The following TMEM184A variants were observed in gnomAD, a reference collection of about 807,000 sequenced individuals.
The protein encoded by TMEM184A is transmembrane protein 184A, also known as sexually dimorphic, expressed in male gonads 1.
In TMEM184A, 40 loss-of-function variants were observed where a neutral mutation model predicts 39.5. The observed-to-expected ratio is 1.01, with a 90% CI of 0.79 to 1.32. The LOEUF (loss-of-function observed/expected upper bound fraction) is 1.32, where lower values mean the gene tolerates loss of function less well. TMEM184A is among the 40% of genes most tolerant of loss of function. TMEM184A has a pLI of 0.00. For synonymous variants in TMEM184A, 280 were observed against 252.3 expected, an observed-to-expected ratio of 1.11 and a Z score of -1.04; for missense variants, 603 against 568.8, an observed-to-expected ratio of 1.06 and a Z score of -0.61.
chr7:1,546,957 G>A lies in TMEM184A; in HGVS notation c.1237C>T (p.Leu413=), dbSNP rs914069077. 6.4e-7 allele frequency: 1 copy of A among 1,569,956 alleles called. No homozygotes were observed. The highest frequency in any genetic ancestry group is 1.4e-5 in the African/African-American group (1 of 73,974). ...EKRMLIPSED[L] is the part of the protein sequence containing the mutation. ...CACTGGCAGCCCAGGCCCCCCTACA[G>A]GTCCTCCGAGGGGATCAGCATCCGC... Residue 413 remains leucine, a synonymous_variant, in exon 9 of 9, where the codon CTG becomes TTG. Transcript: ENST00000297477.
rs761925054 is a variant in TMEM184A at position 1,550,373 on chromosome 7, C to A, written c.408G>T (p.Leu136=). The part of the protein sequence containing the change: ...CYEAFVIYSF[L]SLCFQYLGGE... ...CTCCCAGGTACTGGAAACACAGGCTCAGGAAGCTGTAAATGACAAAGGCTG... is the reference window on the plus strand; with the variant it reads ...CTCCCAGGTACTGGAAACACAGGCTAAGGAAGCTGTAAATGACAAAGGCTG... Residue 136 remains leucine, a synonymous_variant, in exon 4 of 9, where the codon CTG becomes CTT. Coordinates refer to ENST00000297477, the MANE Select transcript of TMEM184A (RefSeq NM_001097620.2). 2.2e-5 allele frequency: 35 copies of A among 1,612,530 alleles called. No individual in the cohort carries two copies. Among genetic ancestry groups the A allele is most frequent in the Non-Finnish European group, 2.7e-5 (32 of 1,179,694 alleles).
Position 1,548,514 on chromosome 7 carries a change from C to T in TMEM184A, c.814+5G>A, listed in dbSNP as rs1784438227. Reference sequence around the variant, plus strand: ...TAGCACCCCTGCCCCACCTGCCCCACACACCTTGCCAGAACGACAGGAAGA... The same window carrying T: ...TAGCACCCCTGCCCCACCTGCCCCATACACCTTGCCAGAACGACAGGAAGA... On this transcript the variant is annotated splice_donor_5th_base_variant and intron_variant, in intron 7 of 8. Transcript: ENST00000297477. 1 of 1,610,290 alleles carries T rather than the reference C, an allele frequency of 6.2e-7. No homozygotes were observed. The highest frequency in any genetic ancestry group is 1.3e-5 in the African/African-American group (1 of 75,004).
At chr7:1,548,737 T>C in intron 6 of TMEM184A, 49 bp from the exon 7 acceptor site, 1 of 1,596,988 alleles carries the variant, frequency 6.3e-7, no homozygotes, top group Non-Finnish European at 8.5e-7. Context: ...ACCCCGCCAC[T>C]GTCCCCACCC....
chr7:1,548,609 A>G lies in TMEM184A; in HGVS notation c.724T>C (p.Tyr242His). 1.2e-6 allele frequency: 2 copies of G among 1,613,936 alleles called. No homozygotes were observed. Among genetic ancestry groups the G allele is most frequent in the Non-Finnish European group, 1.7e-6 (2 of 1,179,982 alleles). The stretch of plus-strand genomic sequence containing the variant: ...CGCAGGAGCTCCCTGGTGGTGAAGT[A>G]GAAGAGGAACAGGGCGTAGAGGGCG... Reference protein sequence around the residue: ...SLALYALFLFYFTTRELLRPF... With the variant: ...SLALYALFLFHFTTRELLRPF... Residue 242 changes from tyrosine to histidine, a missense_variant, in exon 7 of 9, where the codon TAC becomes CAC. Physicochemically the swap from Tyr to His is moderately conservative, Grantham distance 83. Transcript: ENST00000297477.
In TMEM184A at chr7:1,543,108, C is replaced by G. The variant is rs771105060; in HGVS notation, c.*3844G>C. The G allele has an allele frequency of 1.3e-5, 2 of 152,306 alleles. No individual in the cohort carries two copies. The highest frequency in any genetic ancestry group is 2.4e-5 in the African/African-American group (1 of 41,398). The allele number at this position is 152,306 out of a possible 1,614,324, so 9.4% of individuals were successfully genotyped here. ...CTTGGGCCAAGAACCACACCCCCCC[C>G]CCAATCCCAGGGGACCCTGCCTGTC... On this transcript the variant is annotated 3_prime_UTR_variant, in exon 9 of 9. Transcript: ENST00000297477.
rs533728450 is a variant in TMEM184A at position 1,555,413 on chromosome 7, G to T, written c.72C>A (p.Ser24Arg). The change falls in exon 2 of 9, where the codon AGC becomes AGA. Residue 24 changes from serine (S) to arginine (R), a missense_variant. Physicochemically the swap from Ser to Arg is moderately radical, Grantham distance 110. Coordinates refer to ENST00000297477, the MANE Select transcript of TMEM184A (RefSeq NM_001097620.2). This position sits in a 1 kb window ranked among gnomAD's most constrained non-coding sequence, Gnocchi z 5.2. Reference protein sequence around the residue: ...PLVSANWPQPSPPPAVPAGPQ... With the variant: ...PLVSANWPQPRPPPAVPAGPQ... The stretch of plus-strand genomic sequence containing the variant: ...GCCCAGCTGGCACAGCCGGTGGGGG[G>T]CTGGGCTGCGGCCAGTTCGCTGACA... The T allele has an allele frequency of 1.9e-6, 3 of 1,611,708 alleles. No homozygotes were observed. Among genetic ancestry groups the T allele is most frequent in the African/African-American group, 1.3e-5 (1 of 74,948 alleles).
In TMEM184A at chr7:1,550,047, G is replaced by C. The variant is rs1309513900; in HGVS notation, c.552+76C>G. ...ATGAGCAGCCCCCTGACACTGGGTG[G>C]GGTGGCGCTGGGCCGGCTAGGGCCC... On this transcript the variant is annotated intron_variant, in intron 5 of 8. Transcript: ENST00000297477. 2.5e-6 allele frequency: 4 copies of C among 1,582,280 alleles called. No individual in the cohort carries two copies. In the African/African-American group the frequency reaches 4.0e-5, roughly 16 times the overall value.
rs571930804 is a variant in TMEM184A, at chr7:1,542,589, C to G, written c.*4363G>C. On this transcript the variant is annotated 3_prime_UTR_variant, in exon 9 of 9. Coordinates refer to ENST00000297477, the MANE Select transcript of TMEM184A (RefSeq NM_001097620.2). ...GGGTGGACGGAGCCGCTGTCACCGC[C>G]CAGAGCTGGGCCGGGGAAGCACGGT... 1 of 152,292 alleles carries G rather than the reference C, an allele frequency of 6.6e-6. No individual in the cohort carries two copies. Among genetic ancestry groups the G allele is most frequent in the Non-Finnish European group, 1.5e-5 (1 of 68,050 alleles). 9.4% of individuals were successfully genotyped at this position (152,292 alleles called of 1,614,324 possible).
At chr7:1,552,255 G>A (rs967197487) in intron 2 of TMEM184A, among the ~76,000 whole-genome samples, 3 of 152,134 alleles carry the variant, frequency 2.0e-5, no homozygotes, top group African/African-American at 4.8e-5. Flanking sequence ...TGGGACTATA[G>A]TCATGAGCCA....
intron 2 of TMEM184A, among the ~76,000 whole-genome samples, chr7:1,552,516 T>G (rs1278775852): frequency 6.6e-6 from 1 of 151,914 alleles, no homozygotes; most frequent in Non-Finnish European, 1.5e-5. Context: ...AGGTTTTTTT[T>G]TTTTTTTTTT....
At chr7:1,551,143 G>T (rs1301866687) in intron 2 of TMEM184A, among the ~76,000 whole-genome samples, 161 bp from the exon 3 acceptor site, 1 of 121,826 alleles carries the variant, frequency 8.2e-6, no homozygotes, top group South Asian at 2.9e-4. Flanking sequence ...GGAAGGAGGT[G>T]GGGGTGGGCG....
At chr7:1,550,695 C>T (rs565534807) in intron 3 of TMEM184A, 122 bp downstream of exon 3, 2 of 1,272,122 alleles carry the variant, frequency 1.6e-6, no homozygotes, top group Non-Finnish European at 1.1e-6. Flanking sequence ...ATCCTGGCAG[C>T]CCCTCTGACG....
At chr7:1,552,885 C>T (rs1384124733) in intron 2 of TMEM184A, among the ~76,000 whole-genome samples, 1 of 152,142 alleles carries the variant, frequency 6.6e-6, no homozygotes, top group African/African-American at 2.4e-5. Flanking sequence ...CGAACTCCAT[C>T]TCTACTAAAA....
intron 2 of TMEM184A, among the ~76,000 whole-genome samples, chr7:1,554,721 C>T (rs1778481790): frequency 6.6e-6 from 1 of 152,284 alleles, no homozygotes; most frequent in Admixed American, 6.5e-5. Flanking sequence ...GGGACTGCTC[C>T]GGGTCGGGGG....
chr7:1,555,244 G>T lies in TMEM184A; in HGVS notation c.219+22C>A. 3.2e-6 allele frequency: 5 copies of T among 1,579,250 alleles called. No homozygotes were observed. The highest frequency in any genetic ancestry group is 4.3e-6 in the Non-Finnish European group (5 of 1,163,358). On this transcript the variant is annotated intron_variant, in intron 2 of 8. Transcript: ENST00000297477. The surrounding 1 kb of genome is among the most constrained non-coding windows in gnomAD (Gnocchi z 5.2). ...TGTGGAGACCAAGGTCCTGAAGGAGGCTCGGGGGCGGAAGGGCTTACCTGG... is the reference window on the plus strand; with the variant it reads ...TGTGGAGACCAAGGTCCTGAAGGAGTCTCGGGGGCGGAAGGGCTTACCTGG...
chr7:1,548,377 A>G, intron 7 of TMEM184A, 142 bp downstream of exon 7: 1 of 1,017,826 alleles, frequency 9.8e-7, no homozygotes, highest in Non-Finnish European at 1.4e-6. Context: ...CGCAGGTTCT[A>G]CCCTGGCTTC....
At position 1,550,135 on chromosome 7, in the gene TMEM184A, G is replaced by A; in HGVS notation, c.540C>T (p.Arg180=). 1 of 1,605,524 alleles carries A rather than the reference G, an allele frequency of 6.2e-7. No homozygotes were observed. The highest frequency in any genetic ancestry group is 1.1e-5 in the South Asian group (1 of 90,184). ...RGMTYSIGFL[R]FCKQATLQFC... ...GGTGGCCCCTCACCTGCTTACAGAA[G>A]CGCAGGAACCCGATGGAGTAGGTCA... is the stretch of plus-strand genomic sequence containing the variant. Residue 180 remains arginine (R), a synonymous_variant, in exon 5 of 9, where the codon CGC becomes CGT. Coordinates refer to ENST00000297477, the MANE Select transcript of TMEM184A (RefSeq NM_001097620.2).
chr7:1,550,001 TG>T, intron 5 of TMEM184A, 56 bp from the exon 6 acceptor site: 1 of 1,542,394 alleles, frequency 6.5e-7, no homozygotes, highest in Non-Finnish European at 8.8e-7. Flanking sequence ...GGCCCAGGAA[TG>T]GGGATTGGGG....
In TMEM184A at chr7:1,555,635, G is replaced by T; in HGVS notation, c.1-151C>A. ...CCGCACCCCCCACACGGACACCAGCGCCAGGCCCGGCTCCCTCCCTGCTCC... is the reference window on the plus strand; with the variant it reads ...CCGCACCCCCCACACGGACACCAGCTCCAGGCCCGGCTCCCTCCCTGCTCC... On this transcript the variant is annotated intron_variant, in intron 1 of 8. Coordinates refer to ENST00000297477, the MANE Select transcript of TMEM184A (RefSeq NM_001097620.2). This position sits in a 1 kb window ranked among gnomAD's most constrained non-coding sequence, Gnocchi z 5.2. 1 of 683,576 alleles carries T rather than the reference G, an allele frequency of 1.5e-6. No homozygotes were observed. Among genetic ancestry groups the T allele is most frequent in the African/African-American group, 1.8e-5 (1 of 55,886 alleles). 42.3% of individuals were successfully genotyped at this position (683,576 alleles called of 1,614,324 possible).
Sources: gnomAD v4.1 joint callset for allele counts (sites outside exome capture counted in the v4.1 genomes callset) on GRCh38, gnomAD v4.1.1 for gene constraint, Gnocchi (gnomAD v3.1) non-coding constraint, MANE v1.5 for transcripts, NCBI Gene and HGNC (gene_info 2026-07-23, HGNC 2026-07-21) for gene names.